The following SPRY4 variants were observed in gnomAD, a reference collection of about 807,000 sequenced individuals.
The protein encoded by SPRY4 is sprouty RTK signaling antagonist 4.
A neutral mutation model predicts 17.0 loss-of-function variants in SPRY4; 7 were observed. The ratio of observed to expected loss-of-function variants is 0.41; its 90% CI spans 0.23 to 0.77. The LOEUF is 0.77. SPRY4 is among the 30% of genes least tolerant of loss of function. The probability of loss-of-function intolerance (pLI) is 0.32; values close to 1 mark genes in which losing one functional copy is unlikely to be tolerated. For missense variants in SPRY4, 435 were observed against 419.9 expected, an observed-to-expected ratio of 1.04 and a Z score of -0.31; for synonymous variants, 183 against 174.1, an observed-to-expected ratio of 1.05 and a Z score of -0.40.
rs371290182 is a variant in SPRY4 at position 142,314,431 on chromosome 5, G to A, written c.678C>T (p.Cys226=). ...AGCGGGCGCAGCAGTTGGAGCGGGA[G>A]CAGGAGCAGGGGTGGTCAGCGCAGG... ...EGSCADHPCS[C]SRSNCCARWS... is the part of the protein sequence containing the mutation. The change falls in exon 2 of 2, where the codon TGC becomes TGT. Residue 226 remains cysteine (C), a synonymous_variant. Transcript: ENST00000434127. The surrounding 1 kb of genome is among the most constrained non-coding windows in gnomAD (Gnocchi z 4.8). 2.5e-6 allele frequency: 4 copies of A among 1,613,958 alleles called. No homozygotes were observed. The African/African-American group carries it at 5.3e-5, about 22-fold the overall frequency.
In SPRY4 at chr5:142,314,102, C is replaced by T. The variant is rs962728538; in HGVS notation, c.*107G>A. ...TGGGGGTAGGGAGTGGGCAGACTAG[C>T]AAGGTCAGCCTCAGGAGGCTAAAAC... On this transcript the variant is annotated 3_prime_UTR_variant, in exon 2 of 2. Transcript: ENST00000434127. The surrounding 1 kb of genome is among the most constrained non-coding windows in gnomAD (Gnocchi z 4.8). 2 of 1,233,184 alleles carry T rather than the reference C, an allele frequency of 1.6e-6. No individual in the cohort carries two copies. Among genetic ancestry groups the T allele is most frequent in the South Asian group, 1.5e-5 (1 of 66,838 alleles). The allele number at this position is 1,233,184 out of a possible 1,614,324, so 76.4% of individuals were successfully genotyped here.
rs371457939 is a variant in SPRY4, at chr5:142,314,832, T to C, written c.277A>G (p.Ser93Gly). The change falls in exon 2 of 2, where the codon AGC becomes GGC. Residue 93 changes from serine (S) to glycine (G), a missense_variant. Physicochemically the swap from Ser to Gly is moderately conservative, Grantham distance 56. Coordinates refer to ENST00000434127, the MANE Select transcript of SPRY4 (RefSeq NM_001127496.3). This position sits in a 1 kb window ranked among gnomAD's most constrained non-coding sequence, Gnocchi z 4.8. ...QDVTHHWISF[S>G]GRPSSVSSSS... Reference sequence around the variant, plus strand: ...CTGCTCACAGAGCTGGGGCGCCCGCTGAAGGAGATCCAATGGTGGGTGACA... The same window carrying C: ...CTGCTCACAGAGCTGGGGCGCCCGCCGAAGGAGATCCAATGGTGGGTGACA... 1 of 1,587,750 alleles carries C rather than the reference T, an allele frequency of 6.3e-7. No individual in the cohort carries two copies. Among genetic ancestry groups the C allele is most frequent in the Non-Finnish European group, 8.6e-7 (1 of 1,163,728 alleles).
At chr5:142,319,863 C>T in intron 1 of SPRY4, 1 of 1,469,142 alleles carries the variant, frequency 6.8e-7, no homozygotes, top group Non-Finnish European at 9.2e-7. Flanking sequence ...CACCCACCCA[C>T]ACCCTCCCCT....
intron 1 of SPRY4, among the ~76,000 whole-genome samples, chr5:142,319,289 G>C (rs1186470402): frequency 6.6e-6 from 1 of 152,208 alleles, no homozygotes; most frequent in East Asian, 1.9e-4. Flanking sequence ...GAACCCCAGG[G>C]AGGGGAATTT....
chr5:142,318,192 AAAAG>A (rs1759224346), intron 1 of SPRY4: 1 of 985,190 alleles, frequency 1.0e-6, no homozygotes. Context: ...AGAAAAAAAG[AAAAG>A]AAAGAAGGCC....
chr5:142,314,800 G>A lies in SPRY4; in HGVS notation c.309C>T (p.Ser103=), dbSNP rs763369397. 5.0e-6 allele frequency: 8 copies of A among 1,593,982 alleles called. No individual in the cohort carries two copies. The highest frequency in any genetic ancestry group is 1.3e-5 in the African/African-American group (1 of 74,600). The change falls in exon 2 of 2, where the codon AGC becomes AGT. Residue 103 remains serine (S), a synonymous_variant. Coordinates refer to ENST00000434127, the MANE Select transcript of SPRY4 (RefSeq NM_001127496.3). The surrounding 1 kb of genome is among the most constrained non-coding windows in gnomAD (Gnocchi z 4.8). ...SGRPSSVSSS[S]STSSDQRLLD... Reference sequence around the variant, plus strand: ...AGAGCCGTTGGTCAGAGGATGTGCTGCTGCTGCTGCTCACAGAGCTGGGGC... The same window carrying A: ...AGAGCCGTTGGTCAGAGGATGTGCTACTGCTGCTGCTCACAGAGCTGGGGC...
Position 142,314,597 on chromosome 5 carries a change from G to A in SPRY4, c.512C>T (p.Ala171Val). Reference sequence around the variant, plus strand: ...GCAGGAAGGCAACGTCCGGGGGGATGCACACTCCTTGCATTTACACTTCCC... The same window carrying A: ...GCAGGAAGGCAACGTCCGGGGGGATACACACTCCTTGCATTTACACTTCCC... ...ACGKCKCKEC[A>V]SPRTLPSCWV... The change falls in exon 2 of 2, where the codon GCA becomes GTA. Residue 171 changes from alanine to valine, a missense_variant. Transcript: ENST00000434127. This position sits in a 1 kb window ranked among gnomAD's most constrained non-coding sequence, Gnocchi z 4.8. 3.7e-6 allele frequency: 6 copies of A among 1,614,242 alleles called. No individual in the cohort carries two copies. Among genetic ancestry groups the A allele is most frequent in the Non-Finnish European group, 5.1e-6 (6 of 1,180,036 alleles).
At chr5:142,319,549 G>A (rs530077192) in intron 1 of SPRY4, among the ~76,000 whole-genome samples, 7 of 152,156 alleles carry the variant, frequency 4.6e-5, no homozygotes, top group Admixed American at 4.6e-4. Context: ...TGAACTTAAG[G>A]GTCCCTAGGG....
At chr5:142,323,500 C>T (rs925056845) in intron 1 of SPRY4, among the ~76,000 whole-genome samples, 10 of 152,238 alleles carry the variant, frequency 6.6e-5, no homozygotes, top group African/African-American at 2.4e-4. Flanking sequence ...CCTGCCCTCA[C>T]AGAGGCCTTG....
rs1758866562 is a variant in SPRY4 at position 142,310,524 on chromosome 5, G to A, written c.*3685C>T. On this transcript the variant is annotated 3_prime_UTR_variant, in exon 2 of 2. Transcript: ENST00000434127. ...CTTGTTTTTTTCTTCACAAACAGAA[G>A]AACTCTTACAATAGTAGACTTTCTA... The A allele has an allele frequency of 6.6e-6, 1 of 152,334 alleles. No homozygotes were observed. The highest frequency in any genetic ancestry group is 1.5e-5 in the Non-Finnish European group (1 of 68,000). The allele number at this position is 152,334 out of a possible 1,614,324, so 9.4% of individuals were successfully genotyped here.
chr5:142,323,238 CGA>C (rs1561655056), intron 1 of SPRY4, among the ~76,000 whole-genome samples: 3 of 151,850 alleles, frequency 2.0e-5, no homozygotes, highest in East Asian at 2.0e-4. Context: ...CTTTGAATCC[CGA>C]GAGACTTGTC....
rs1328224451 is a variant in SPRY4, at chr5:142,312,094, GC to G, written c.*2114del. The G allele has an allele frequency of 6.6e-6, 1 of 150,988 alleles. No homozygotes were observed. Among genetic ancestry groups the G allele is most frequent in the East Asian group, 2.0e-4 (1 of 5,044 alleles). 9.4% of individuals were successfully genotyped at this position (150,988 alleles called of 1,614,324 possible). The stretch of plus-strand genomic sequence containing the variant: ...GGGAGGGGCCCTGGGAAGTTCTGAG[GC>G]CTCGCAGAAAGCGTGCAGATGTGCA... On this transcript the variant is annotated 3_prime_UTR_variant, in exon 2 of 2. Transcript: ENST00000434127.
chr5:142,322,216 C>A (rs886513020), intron 1 of SPRY4, among the ~76,000 whole-genome samples: 2 of 152,134 alleles, frequency 1.3e-5, no homozygotes, highest in East Asian at 1.9e-4. Context: ...TGGTGGCTCA[C>A]GCCTGTAATC....
At position 142,314,391 on chromosome 5, in the gene SPRY4, C is replaced by A; in HGVS notation, c.718G>T (p.Ala240Ser). ...AGGCAGGGCAGCACCACGGAGAGAG[C>A]ACCCATGAAGGACCAGCGGGCGCAG... ...NCCARWSFMGALSVVLPCLLC... is the reference protein window; with the variant it reads ...NCCARWSFMGSLSVVLPCLLC... Residue 240 changes from alanine (A) to serine (S), a missense_variant, in exon 2 of 2, where the codon GCT (alanine) becomes TCT (serine). Ala to Ser is a moderately conservative substitution (Grantham distance 99). Transcript: ENST00000434127. This position sits in a 1 kb window ranked among gnomAD's most constrained non-coding sequence, Gnocchi z 4.8. 1 of 1,613,954 alleles carries A rather than the reference C, an allele frequency of 6.2e-7. No homozygotes were observed. Among genetic ancestry groups the A allele is most frequent in the Non-Finnish European group, 8.5e-7 (1 of 1,179,916 alleles).
intron 1 of SPRY4, among the ~76,000 whole-genome samples, chr5:142,322,554 C>T (rs1335404106): frequency 6.6e-6 from 1 of 151,792 alleles, no homozygotes; most frequent in African/African-American, 2.4e-5. Context: ...ACAGCCTCTG[C>T]CCTACTATGT....
In SPRY4 at chr5:142,310,842, G is replaced by C. The variant is rs1207227944; in HGVS notation, c.*3367C>G. On this transcript the variant is annotated 3_prime_UTR_variant, in exon 2 of 2. Transcript: ENST00000434127. ...AGGGGGCACAAAAATGCTTGTCAAA[G>C]GCATGAACCAGAAGGCTAGTGAGGC... The C allele has an allele frequency of 6.6e-6, 1 of 152,218 alleles. No individual in the cohort carries two copies. Among genetic ancestry groups the C allele is most frequent in the Admixed American group, 6.5e-5 (1 of 15,282 alleles). 9.4% of individuals were successfully genotyped at this position (152,218 alleles called of 1,614,324 possible).
chr5:142,311,792 C>T lies in SPRY4; in HGVS notation c.*2417G>A, dbSNP rs1758922057. ...GCAAACCAAGAAGAACAAGCTAGAACAGGGGCAGGGGGAAAAAAGGAAAAA... is the reference window on the plus strand; with the variant it reads ...GCAAACCAAGAAGAACAAGCTAGAATAGGGGCAGGGGGAAAAAAGGAAAAA... On this transcript the variant is annotated 3_prime_UTR_variant, in exon 2 of 2. Coordinates refer to ENST00000434127, the MANE Select transcript of SPRY4 (RefSeq NM_001127496.3). The T allele has an allele frequency of 1.3e-5, 2 of 152,598 alleles. No individual in the cohort carries two copies. Among genetic ancestry groups the T allele is most frequent in the Non-Finnish European group, 2.9e-5 (2 of 68,200 alleles). 9.5% of individuals were successfully genotyped at this position (152,598 alleles called of 1,614,324 possible).
intron 1 of SPRY4, among the ~76,000 whole-genome samples, 194 bp downstream of exon 1, chr5:142,324,650 C>T (rs1398921364): frequency 6.6e-6 from 1 of 152,188 alleles, no homozygotes; most frequent in East Asian, 1.9e-4. Flanking sequence ...TGAACACCCC[C>T]GGCGCCGTGC....
chr5:142,316,891 T>G (rs899855772), intron 1 of SPRY4, among the ~76,000 whole-genome samples: 1 of 152,262 alleles, frequency 6.6e-6, no homozygotes, highest in African/African-American at 2.4e-5. Flanking sequence ...AACTATTGGC[T>G]TTGCTCCCAT....
Sources: gnomAD v4.1 joint callset for allele counts (sites outside exome capture counted in the v4.1 genomes callset) on GRCh38, gnomAD v4.1.1 for gene constraint, Gnocchi (gnomAD v3.1) non-coding constraint, MANE v1.5 for transcripts, NCBI Gene and HGNC (gene_info 2026-07-23, HGNC 2026-07-21) for gene names.